Variants in CSMD3 observed in about 807,000 individuals in gnomAD.
CSMD3 encodes CUB and sushi domain-containing protein 3.
CSMD3 carries 177 observed loss-of-function variants against 435.2 expected under a neutral mutation model. That is an observed-to-expected ratio of 0.41 (90% CI 0.36 to 0.46). The LOEUF (loss-of-function observed/expected upper bound fraction) is 0.46, where lower values mean the gene tolerates loss of function less well. Among genes scored for constraint, CSMD3 ranks in the 20% least tolerant of loss-of-function variants. The pLI, the probability that CSMD3 is intolerant of heterozygous loss-of-function variation, is 0.34. For missense variants in CSMD3, 4,265 were observed against 4,504.6 expected, an observed-to-expected ratio of 0.95 and a Z score of 1.52; for synonymous variants, 1,656 against 1,520.5, an observed-to-expected ratio of 1.09 and a Z score of -2.07.
intron 2 of CSMD3, among the ~76,000 whole-genome samples, chr8:113,305,264 C>T (rs897638023): frequency 4.6e-5 from 7 of 151,850 alleles, no homozygotes; most frequent in Non-Finnish European, 8.8e-5. Flanking sequence ...AACTAATCTG[C>T]ACATTGTACA....
intron 1 of CSMD3, among the ~76,000 whole-genome samples, chr8:113,316,190 T>A (rs1285290932): frequency 6.6e-6 from 1 of 152,080 alleles, no homozygotes; most frequent in Non-Finnish European, 1.5e-5. Context: ...TTCACCCAGA[T>A]GTTATTATCT....
chr8:112,968,712 AC>A (rs1404141132), intron 7 of CSMD3, among the ~76,000 whole-genome samples: 2 of 151,880 alleles, frequency 1.3e-5, no homozygotes, highest in African/African-American at 2.4e-5. Context: ...AATCTCTACA[AC>A]TTTTTCTTTG....
intron 32 of CSMD3, among the ~76,000 whole-genome samples, chr8:112,444,763 G>A (rs1815411051): frequency 6.6e-6 from 1 of 152,134 alleles, no homozygotes; most frequent in Non-Finnish European, 1.5e-5. Context: ...GGAAATAACA[G>A]AAATGCTCTT....
intron 5 of CSMD3, among the ~76,000 whole-genome samples, chr8:113,020,731 A>T (rs1389046239): frequency 6.6e-6 from 1 of 152,186 alleles, no homozygotes; most frequent in Non-Finnish European, 1.5e-5. Flanking sequence ...CAGCTGATTT[A>T]TTATACTATG....
At chr8:112,924,797 G>C (rs548769775) in intron 9 of CSMD3, among the ~76,000 whole-genome samples, 1 of 152,090 alleles carries the variant, frequency 6.6e-6, no homozygotes, top group East Asian at 1.9e-4. Context: ...TTAAGCTACA[G>C]AATCACAGGT....
chr8:112,783,424 G>GGGAGGGAGGGAGGGAGGGAGGGAGGGAA (rs2078446426), intron 13 of CSMD3, among the ~76,000 whole-genome samples: 5 of 56,926 alleles, frequency 8.8e-5, no homozygotes, highest in Non-Finnish European at 1.8e-4. Context: ...GAGGGAGGGA[G>GGGAGGGAGGGAGGGAGGGAGGGAGGGAA]GGAAGGAAGG....
intron 5 of CSMD3, among the ~76,000 whole-genome samples, chr8:113,071,219 T>C (rs2089101181): frequency 6.6e-6 from 1 of 152,020 alleles, no homozygotes; most frequent in Admixed American, 6.6e-5. Context: ...TTCTTATATA[T>C]TTTGGATAGT....
At chr8:113,085,056 G>C (rs1054387297) in intron 5 of CSMD3, among the ~76,000 whole-genome samples, 1 of 151,968 alleles carries the variant, frequency 6.6e-6, no homozygotes, top group African/African-American at 2.4e-5. Flanking sequence ...ACATTGGTCT[G>C]TACAAATATT....
intron 4 of CSMD3, among the ~76,000 whole-genome samples, chr8:113,167,749 T>C (rs1278884464): frequency 6.6e-6 from 1 of 152,192 alleles, no homozygotes; most frequent in Non-Finnish European, 1.5e-5. Flanking sequence ...AATAATTCCA[T>C]TACCAAACAA....
intron 1 of CSMD3, among the ~76,000 whole-genome samples, chr8:113,344,993 T>G (rs1588562250): frequency 1.3e-5 from 2 of 152,284 alleles, no homozygotes; most frequent in South Asian, 4.1e-4. Context: ...TCATGTGTCT[T>G]CTTTGGACCT....
intron 32 of CSMD3, among the ~76,000 whole-genome samples, chr8:112,410,716 G>GTA (rs1395143897): frequency 7.5e-6 from 1 of 133,296 alleles, no homozygotes; most frequent in African/African-American, 2.8e-5. Flanking sequence ...ATATATATAT[G>GTA]TATATATATA....
chr8:112,371,529 C>A (rs536029858), intron 38 of CSMD3, among the ~76,000 whole-genome samples: 1 of 152,218 alleles, frequency 6.6e-6, no homozygotes, highest in East Asian at 1.9e-4. Flanking sequence ...GACTTCCAGC[C>A]CCCAGTCTTA....
At chr8:112,628,928 G>A (rs2074432147) in intron 22 of CSMD3, among the ~76,000 whole-genome samples, 2 of 152,084 alleles carry the variant, frequency 1.3e-5, no homozygotes, top group Admixed American at 1.3e-4. Flanking sequence ...CTTAAGGGCA[G>A]TGGAAAACAA....
intron 2 of CSMD3, among the ~76,000 whole-genome samples, chr8:113,307,968 C>A (rs1356441842): frequency 6.6e-6 from 1 of 152,098 alleles, no homozygotes; most frequent in East Asian, 1.9e-4. Context: ...CATTTTGACT[C>A]ATCTCATTTC....
chr8:113,152,645 C>G (rs1196347356), intron 4 of CSMD3, among the ~76,000 whole-genome samples: 1 of 151,904 alleles, frequency 6.6e-6, no homozygotes, highest in East Asian at 1.9e-4. Context: ...ATTTTTTTCT[C>G]TAGGTAGCAT....
chr8:112,418,812 A>G (rs745360710), intron 32 of CSMD3, among the ~76,000 whole-genome samples: 4 of 152,096 alleles, frequency 2.6e-5, no homozygotes, highest in Non-Finnish European at 5.9e-5. Context: ...AACGCCTCAA[A>G]CTCCAAATAT....
chr8:112,317,966 T>A (rs1822627981), intron 47 of CSMD3, among the ~76,000 whole-genome samples: 1 of 152,114 alleles, frequency 6.6e-6, no homozygotes, highest in Admixed American at 6.6e-5. Flanking sequence ...TCAACATTTA[T>A]GATAATTGTG....
chr8:112,949,820 C>G (rs1023877277), intron 8 of CSMD3, among the ~76,000 whole-genome samples: 1 of 151,950 alleles, frequency 6.6e-6, no homozygotes, highest in African/African-American at 2.4e-5. Flanking sequence ...ACCCAAGTCC[C>G]GTTGTCTGTT....
At chr8:113,431,140 G>A (rs1258511996) in intron 1 of CSMD3, among the ~76,000 whole-genome samples, 3 of 152,164 alleles carry the variant, frequency 2.0e-5, no homozygotes, top group South Asian at 2.1e-4. Flanking sequence ...TGGAAATACC[G>A]TGAATCACCC....
Sources: gnomAD v4.1 joint callset for allele counts (sites outside exome capture counted in the v4.1 genomes callset) on GRCh38, gnomAD v4.1.1 for gene constraint, MANE v1.5 for transcripts, NCBI Gene and HGNC (gene_info 2026-07-23, HGNC 2026-07-21) for gene names.